STX8: variants seen among roughly 807,000 people sequenced by gnomAD.
The protein encoded by STX8 is syntaxin 8.
In STX8, 23 loss-of-function variants were observed where a neutral mutation model predicts 37.5. The observed-to-expected ratio is 0.61, with a 90% CI of 0.44 to 0.87. The LOEUF is 0.87. STX8 is among the 40% of genes least tolerant of loss of function. STX8 has a pLI of 0.00. For missense variants in STX8, 313 were observed against 284.7 expected, an observed-to-expected ratio of 1.10 and a Z score of -0.71; for synonymous variants, 115 against 99.1, an observed-to-expected ratio of 1.16 and a Z score of -0.95.
intron 6 of STX8, among the ~76,000 whole-genome samples, chr17:9,473,170 C>T (rs142146490): frequency 0.013 from 1,937 of 152,156 alleles, 34 homozygotes; most frequent in African/African-American, 0.044. Flanking sequence ...GTGCCCACCA[C>T]CACACCTGGC....
intron 7 of STX8, among the ~76,000 whole-genome samples, chr17:9,356,442 G>A (rs1910883012): frequency 6.6e-6 from 1 of 152,196 alleles, no homozygotes. Flanking sequence ...TCTCAGTGGT[G>A]CCCATGTAAG....
intron 2 of STX8, among the ~76,000 whole-genome samples, chr17:9,559,820 T>C (rs1907149947): frequency 2.8e-5 from 1 of 35,622 alleles, no homozygotes; most frequent in African/African-American, 1.4e-4. Flanking sequence ...TGGAGTGCAA[T>C]GGAGTGATCT....
At chr17:9,329,421 G>A (rs1007313438) in intron 7 of STX8, among the ~76,000 whole-genome samples, 2 of 152,138 alleles carry the variant, frequency 1.3e-5, no homozygotes, top group African/African-American at 4.8e-5. Flanking sequence ...TCGCTCTCTG[G>A]CATCACGGCT....
intron 6 of STX8, among the ~76,000 whole-genome samples, chr17:9,396,504 A>C (rs1361128576): frequency 4.6e-5 from 7 of 152,010 alleles, no homozygotes; most frequent in African/African-American, 1.7e-4. Context: ...TGAGGTCAGG[A>C]GTTCAAGACC....
intron 5 of STX8, among the ~76,000 whole-genome samples, chr17:9,501,118 A>C (rs1355662612): frequency 6.6e-6 from 1 of 152,234 alleles, no homozygotes; most frequent in East Asian, 1.9e-4. Context: ...GAGACTCAAT[A>C]GTGTTAAAAT....
At chr17:9,339,634 C>T (rs1045065382) in intron 7 of STX8, among the ~76,000 whole-genome samples, 32 of 152,038 alleles carry the variant, frequency 2.1e-4, no homozygotes, top group African/African-American at 7.7e-4. Flanking sequence ...TGTACTCCAG[C>T]CTGGGCGACA....
rs112089232 is a variant in STX8 at position 9,297,241 on chromosome 17, C to CAAAAAA, written c.644-46602_644-46597dup. Among the ~76,000 whole-genome samples, 11 of 90,890 alleles carry CAAAAAA rather than the reference C, an allele frequency of 1.2e-4. 1 individual carries two copies. Among genetic ancestry groups the CAAAAAA allele is most frequent in the Admixed American group, 9.2e-4 (8 of 8,696 alleles). The allele number at this position is 90,890 out of a possible 152,430, so 59.6% of individuals were successfully genotyped here. ...TCTGATAGCATATGCCCAGAGTTTG[C>CAAAAAA]AAAAAAAAAAAAAAAAGAAAAAAAA... On this transcript the variant is annotated intron_variant, in intron 7 of 7. Coordinates refer to ENST00000306357, the MANE Select transcript of STX8 (RefSeq NM_004853.3).
At chr17:9,354,263 T>C (rs1910803272) in intron 7 of STX8, among the ~76,000 whole-genome samples, 1 of 152,034 alleles carries the variant, frequency 6.6e-6, no homozygotes, top group Non-Finnish European at 1.5e-5. Context: ...CATACTATAA[T>C]CATGCTTCCA....
intron 7 of STX8, among the ~76,000 whole-genome samples, chr17:9,308,213 C>G (rs1432788549): frequency 6.6e-6 from 1 of 152,218 alleles, no homozygotes; most frequent in Admixed American, 6.5e-5. Context: ...CAGGACCTGT[C>G]TGCTCAGATT....
chr17:9,517,358 T>A (rs1905185131), intron 4 of STX8, among the ~76,000 whole-genome samples: 2 of 152,186 alleles, frequency 1.3e-5, no homozygotes, highest in Admixed American at 1.3e-4. Flanking sequence ...AATTATTTTT[T>A]CAGCAAAACC....
chr17:9,269,951 C>T (rs1179799526), intron 7 of STX8, among the ~76,000 whole-genome samples: 2 of 152,206 alleles, frequency 1.3e-5, no homozygotes, highest in Non-Finnish European at 2.9e-5. Context: ...TTCTATGCTG[C>T]TTCTGTATAC....
intron 6 of STX8, among the ~76,000 whole-genome samples, chr17:9,402,833 T>A (rs1013769353): frequency 1.3e-5 from 2 of 152,188 alleles, no homozygotes; most frequent in Non-Finnish European, 2.9e-5. Flanking sequence ...TCCAGAATCC[T>A]GGGTGCTTGT....
chr17:9,470,073 T>C (rs1905783876), intron 6 of STX8: 1 of 152,212 alleles, frequency 6.6e-6, no homozygotes, highest in Non-Finnish European at 1.5e-5. Context: ...TTGATGTCAA[T>C]TCAGTTCCCC....
intron 6 of STX8, among the ~76,000 whole-genome samples, chr17:9,457,444 C>G (rs549234179): frequency 6.6e-6 from 1 of 152,348 alleles, no homozygotes; most frequent in African/African-American, 2.4e-5. Flanking sequence ...CTCTTGCTCC[C>G]TCTTCCACAT....
At chr17:9,362,856 T>TAAATAAATA (rs887288956) in intron 7 of STX8, among the ~76,000 whole-genome samples, 3 of 142,810 alleles carry the variant, frequency 2.1e-5, no homozygotes, top group African/African-American at 8.5e-5. Flanking sequence ...AATAAATAAA[T>TAAATAAATA]AAATAAATAA....
intron 2 of STX8, among the ~76,000 whole-genome samples, chr17:9,559,919 GC>G (rs1907154857): frequency 6.7e-6 from 1 of 148,512 alleles, no homozygotes; most frequent in South Asian, 2.2e-4. Flanking sequence ...CCACCACCAT[GC>G]CCAGCTAATT....
intron 6 of STX8, among the ~76,000 whole-genome samples, chr17:9,431,779 G>GT (rs1177144831): frequency 6.6e-6 from 1 of 152,206 alleles, no homozygotes; most frequent in Non-Finnish European, 1.5e-5. Context: ...ACATCATGGT[G>GT]TTAAGACCAC....
chr17:9,381,010 C>A (rs577358490), intron 6 of STX8, among the ~76,000 whole-genome samples: 6 of 152,088 alleles, frequency 3.9e-5, no homozygotes, highest in African/African-American at 1.4e-4. Flanking sequence ...CCACTGCACC[C>A]GACCATATTT....
At chr17:9,442,420 T>C (rs907023602) in intron 6 of STX8, among the ~76,000 whole-genome samples, 2 of 152,294 alleles carry the variant, frequency 1.3e-5, no homozygotes, top group Middle Eastern at 3.4e-3. Flanking sequence ...TCTTTTAAGA[T>C]GGAGTCTCAC....
Sources: gnomAD v4.1 joint callset for allele counts (sites outside exome capture counted in the v4.1 genomes callset) on GRCh38, gnomAD v4.1.1 for gene constraint, MANE v1.5 for transcripts, NCBI Gene and HGNC (gene_info 2026-07-23, HGNC 2026-07-21) for gene names.